Variants in SPECC1 observed in about 807,000 individuals in gnomAD.
SPECC1 encodes the protein cytospin-B.
In SPECC1, 62 loss-of-function variants were observed where a neutral mutation model predicts 104.1. That is an observed-to-expected ratio of 0.60 (90% CI 0.49 to 0.74). The LOEUF is 0.74. Ranked by LOEUF, SPECC1 falls within the 30% of genes least tolerant of loss-of-function variation. SPECC1 has a pLI of 0.00. For missense variants in SPECC1, 1,306 were observed against 1,310.5 expected (o/e 1.00, Z 0.05); for synonymous variants, 513 against 501.6 (o/e 1.02, Z -0.30).
chr17:20,189,855 A>T (rs2035541678), intron 3 of SPECC1, among the ~76,000 whole-genome samples: 1 of 152,214 alleles, frequency 6.6e-6, no homozygotes, highest in Non-Finnish European at 1.5e-5. Flanking sequence ...TAAAATGGAG[A>T]TGAGATAGAA....
Position 20,205,398 on chromosome 17 carries a change from G to A in SPECC1, c.1349G>A (p.Arg450Gln), listed in dbSNP as rs61733787. ...NEKLMNLLQE[R>Q]VKNEEPTTQE... Reference sequence around the variant, plus strand: ...AAGCTGATGAATCTTTTACAAGAGCGAGTAAAGAATGAAGAGCCCACCACT... The same window carrying A: ...AAGCTGATGAATCTTTTACAAGAGCAAGTAAAGAATGAAGAGCCCACCACT... The change falls in exon 4 of 15, where the codon CGA becomes CAA. Residue 450 changes from arginine (R) to glutamine (Q), a missense_variant. Transcript: ENST00000395527. 4.3e-6 allele frequency: 7 copies of A among 1,613,684 alleles called. No homozygotes were observed. Among genetic ancestry groups the A allele is most frequent in the South Asian group, 3.3e-5 (3 of 90,988 alleles).
chr17:20,313,907 A>T, intron 14 of SPECC1, 69 bp from the exon 15 acceptor site: 1 of 1,450,410 alleles, frequency 6.9e-7, no homozygotes, highest in Non-Finnish European at 9.6e-7. Context: ...ACCTGGACTG[A>T]AGTCCTTGAG....
intron 3 of SPECC1, among the ~76,000 whole-genome samples, chr17:20,115,730 C>T (rs141743519): frequency 9.8e-5 from 15 of 152,286 alleles, no homozygotes; most frequent in Non-Finnish European, 1.8e-4. Flanking sequence ...TTTCTAACAA[C>T]AAACTCTTGA....
chr17:20,275,566 GT>G, intron 12 of SPECC1, among the ~76,000 whole-genome samples: 1 of 152,176 alleles, frequency 6.6e-6, no homozygotes, highest in South Asian at 2.1e-4. Flanking sequence ...CAAAAATGTT[GT>G]TGGGTAGAAG....
chr17:20,114,629 G>T (rs1320714851), intron 3 of SPECC1, among the ~76,000 whole-genome samples: 2 of 152,022 alleles, frequency 1.3e-5, no homozygotes, highest in Admixed American at 1.3e-4. Context: ...GAGCAGGGAT[G>T]TTAGCTGTGT....
chr17:20,022,705 A>T lies in SPECC1; in HGVS notation c.-22+13281A>T, dbSNP rs867183740. On this transcript the variant is annotated intron_variant, in intron 1 of 14. Coordinates refer to ENST00000395527, the MANE Select transcript of SPECC1 (RefSeq NM_001243439.2). ...TTGCTAGGGCCTGGGCTGCCTACCCACCTGTCCTCACTCATTCTCTTGACC... is the reference window on the plus strand; with the variant it reads ...TTGCTAGGGCCTGGGCTGCCTACCCTCCTGTCCTCACTCATTCTCTTGACC... Among the ~76,000 whole-genome samples the T allele has an allele frequency of 3.9e-5, 6 of 152,276 alleles. No homozygotes were observed. In the Middle Eastern group the frequency reaches 0.01, roughly 259 times the overall value.
At chr17:20,092,104 A>G (rs1014080051) in intron 1 of SPECC1, among the ~76,000 whole-genome samples, 32 of 152,038 alleles carry the variant, frequency 2.1e-4, no homozygotes, top group African/African-American at 7.0e-4. Context: ...TGTGAAATTT[A>G]AGAGTTGCAG....
At chr17:20,039,507 A>T (rs960829913) in intron 1 of SPECC1, among the ~76,000 whole-genome samples, 2 of 152,084 alleles carry the variant, frequency 1.3e-5, no homozygotes, top group Non-Finnish European at 2.9e-5. Flanking sequence ...TTCATGATAT[A>T]TTTTATTCTT....
chr17:20,260,435 AG>A, intron 12 of SPECC1, 141 bp downstream of exon 12: 1 of 702,074 alleles, frequency 1.4e-6, no homozygotes, highest in Non-Finnish European at 2.2e-6. Flanking sequence ...CAGGGCTGCC[AG>A]GGAATGTTTG....
intron 8 of SPECC1, among the ~76,000 whole-genome samples, chr17:20,246,816 C>T (rs1280773476): frequency 1.3e-5 from 2 of 152,122 alleles, no homozygotes; most frequent in Non-Finnish European, 2.9e-5. Context: ...CTAGGATGTA[C>T]CTGGTTGTCT....
Position 20,204,855 on chromosome 17 carries a change from A to C in SPECC1, c.806A>C (p.His269Pro). The change falls in exon 4 of 15, where the codon CAC becomes CCC. Residue 269 changes from histidine to proline, a missense_variant. This residue lies in a region of SPECC1 where 1,177 missense variants were observed against 1,139.9 expected (regional missense o/e 1.03). Transcript: ENST00000395527. ...CCAAATTCAGAAGGGGCAGCAAGTCACACTGGCGACAGCAGCTGCCCAACA... is the reference window on the plus strand; with the variant it reads ...CCAAATTCAGAAGGGGCAGCAAGTCCCACTGGCGACAGCAGCTGCCCAACA... The part of the protein sequence containing the change: ...HSPNSEGAAS[H>P]TGDSSCPTSI... 1 of 1,614,050 alleles carries C rather than the reference A, an allele frequency of 6.2e-7. No individual in the cohort carries two copies. Among genetic ancestry groups the C allele is most frequent in the Non-Finnish European group, 8.5e-7 (1 of 1,180,024 alleles).
intron 1 of SPECC1, chr17:20,057,718 C>G (rs952095281): frequency 2.0e-5 from 3 of 151,464 alleles, no homozygotes; most frequent in Admixed American, 6.6e-5. Context: ...TCTTGAGCTC[C>G]TGGCCTCAAG....
At chr17:20,202,629 C>G (rs1259682208) in intron 3 of SPECC1, among the ~76,000 whole-genome samples, 2 of 152,016 alleles carry the variant, frequency 1.3e-5, no homozygotes, top group Non-Finnish European at 2.9e-5. Flanking sequence ...TTTTTTCTAT[C>G]TCATTTTATC....
intron 1 of SPECC1, chr17:20,017,515 T>A (rs573153357): frequency 1.3e-5 from 2 of 153,150 alleles, no homozygotes; most frequent in African/African-American, 4.8e-5. Context: ...GGTCCACGGC[T>A]TCATTCTCCA....
intron 10 of SPECC1, among the ~76,000 whole-genome samples, chr17:20,255,654 CATCTGGCCTCAAAT>C (rs1413475952): frequency 6.6e-6 from 1 of 152,152 alleles, no homozygotes; most frequent in Non-Finnish European, 1.5e-5. Flanking sequence ...CAGCCTCAAA[CATCTGGCCTCAAAT>C]GATCCTCCTG....
At position 20,253,360 on chromosome 17, in the gene SPECC1, T is replaced by C. The variant is rs1721558253; in HGVS notation, c.2599-145T>C. On this transcript the variant is annotated intron_variant, in intron 9 of 14. Coordinates refer to ENST00000395527, the MANE Select transcript of SPECC1 (RefSeq NM_001243439.2). ...CTATTGCATGTATTACCTATTCAAA[T>C]AAATGAGTTAATTAAAAACTCCCCT... The C allele has an allele frequency of 6.0e-6, 4 of 669,034 alleles. No homozygotes were observed. In the South Asian group the frequency reaches 8.4e-5, roughly 14 times the overall value. 41.4% of individuals were successfully genotyped at this position (669,034 alleles called of 1,614,324 possible).
Position 20,303,782 on chromosome 17 carries a change from G to A in SPECC1, c.3058-2241G>A, listed in dbSNP as rs1347485373. The stretch of plus-strand genomic sequence containing the variant: ...AGCCTGGCCAATGTGGTGAAAACCT[G>A]TCTCTACTAAAAATACAAAAATTAG... On this transcript the variant is annotated intron_variant, in intron 13 of 14. Coordinates refer to ENST00000395527, the MANE Select transcript of SPECC1 (RefSeq NM_001243439.2). 2.0e-5 allele frequency among the ~76,000 whole-genome samples: 3 copies of A among 151,862 alleles called. No homozygotes were observed. The East Asian group carries it at 5.8e-4, about 29-fold the overall frequency.
intron 1 of SPECC1, among the ~76,000 whole-genome samples, chr17:20,088,684 C>T (rs1238063563): frequency 6.6e-6 from 1 of 152,148 alleles, no homozygotes. Context: ...GGCTACGCTG[C>T]AGGGTAAGGG....
intron 7 of SPECC1, among the ~76,000 whole-genome samples, chr17:20,236,655 C>CTTTTTTT (rs34779112): frequency 1.6e-5 from 2 of 126,058 alleles, no homozygotes; most frequent in Non-Finnish European, 1.6e-5. Context: ...TGCAGTCTGG[C>CTTTTTTT]TTTTTTTTTT....
Sources: gnomAD v4.1 joint callset for allele counts (sites outside exome capture counted in the v4.1 genomes callset) on GRCh38, gnomAD v4.1.1 for gene constraint, gnomAD v4.1.1 regional missense constraint, MANE v1.5 for transcripts, NCBI Gene and HGNC (gene_info 2026-07-23, HGNC 2026-07-21) for gene names.